The following CMPK2 variants were observed in gnomAD, a reference collection of about 807,000 sequenced individuals.
CMPK2 encodes UMP-CMP kinase 2, mitochondrial.
A neutral mutation model predicts 33.4 loss-of-function variants in CMPK2; 32 were observed. The observed-to-expected ratio is 0.96, with a 90% confidence interval of 0.72 to 1.29. The LOEUF is 1.29. CMPK2 is among the 50% of genes most tolerant of loss of function. The pLI, the probability that CMPK2 is intolerant of heterozygous loss-of-function variation, is 0.00. For synonymous variants in CMPK2, 299 were observed against 275.3 expected, an observed-to-expected ratio of 1.09 and a Z score of -0.85; for missense variants, 672 against 616.0, an observed-to-expected ratio of 1.09 and a Z score of -0.96.
chr2:6,863,091 C>A (rs1662929454), intron 2 of CMPK2, among the ~76,000 whole-genome samples: 1 of 152,176 alleles, frequency 6.6e-6, no homozygotes, highest in Non-Finnish European at 1.5e-5. Context: ...TGCACCTTTG[C>A]CCAGGCTATT....
intron 3 of CMPK2, among the ~76,000 whole-genome samples, chr2:6,841,161 T>C (rs933025499): frequency 2.0e-5 from 3 of 152,126 alleles, no homozygotes; most frequent in African/African-American, 7.2e-5. Flanking sequence ...TGGAGGTATT[T>C]AGGGAGTCCA....
Position 6,861,277 on chromosome 2 carries a change from G to C in CMPK2, c.899C>G (p.Thr300Ser). 6.2e-7 allele frequency: 1 copy of C among 1,613,958 alleles called. No homozygotes were observed. The highest frequency in any genetic ancestry group is 1.1e-5 in the South Asian group (1 of 91,078). Residue 300 changes from threonine (T) to serine (S), a missense_variant, in exon 3 of 5, where the codon ACT (threonine) becomes AGT (serine). Transcript: ENST00000256722. Reference sequence around the variant, plus strand: ...AGAGTAAAAAGCTCTTCTAATGATAGTTGGTTCATCATCAAAGATCTTCCT... The same window carrying C: ...AGAGTAAAAAGCTCTTCTAATGATACTTGGTTCATCATCAAAGATCTTCCT... ...QWRKIFDDEP[T>S]IIRRAFYSLG...
downstream of CMPK2, among the ~76,000 whole-genome samples, chr2:6,846,819 G>A (rs1662373036): frequency 6.6e-6 from 1 of 152,174 alleles, no homozygotes; most frequent in Admixed American, 6.5e-5. Flanking sequence ...AAGTAAAGGT[G>A]AAAGTTAAAG....
chr2:6,855,680 T>C (rs763678941), intron 3 of CMPK2, among the ~76,000 whole-genome samples: 8 of 152,208 alleles, frequency 5.3e-5, no homozygotes, highest in African/African-American at 1.9e-4. Context: ...ATTATTATTG[T>C]TATCCCCATT....
intron 3 of CMPK2, among the ~76,000 whole-genome samples, chr2:6,840,921 A>G (rs1366655416): frequency 6.6e-6 from 1 of 152,120 alleles, no homozygotes; most frequent in Admixed American, 6.5e-5. Flanking sequence ...TTCAACCCCA[A>G]ATTTGAAGGG....
Position 6,853,078 on chromosome 2 carries a change from T to C in CMPK2, c.993-1395A>G, listed in dbSNP as rs547346488. Among the ~76,000 whole-genome samples the C allele has an allele frequency of 5.3e-5, 8 of 152,266 alleles. No individual in the cohort carries two copies. The East Asian group carries it at 7.7e-4, about 15-fold the overall frequency. On this transcript the variant is annotated intron_variant, in intron 3 of 4. Coordinates refer to ENST00000256722, the MANE Select transcript of CMPK2 (RefSeq NM_207315.4). ...ATTTCTCCTGCCCCACCCTCCCAAGTAGCTGGGATTACAGGCATGCACCAC... is the reference window on the plus strand; with the variant it reads ...ATTTCTCCTGCCCCACCCTCCCAAGCAGCTGGGATTACAGGCATGCACCAC...
intron 3 of CMPK2, among the ~76,000 whole-genome samples, chr2:6,841,417 A>G (rs1029938107): frequency 3.3e-5 from 5 of 152,330 alleles, no homozygotes; most frequent in African/African-American, 9.6e-5. Context: ...GGCAGATCTT[A>G]TAAGCATTAA....
At position 6,849,568 on chromosome 2, in the gene CMPK2, G is replaced by C; in HGVS notation, c.*282C>G. 8.5e-7 allele frequency: 1 copy of C among 1,179,436 alleles called. No homozygotes were observed. The highest frequency in any genetic ancestry group is 1.1e-6 in the Non-Finnish European group (1 of 951,668). 73.1% of individuals were successfully genotyped at this position (1,179,436 alleles called of 1,614,324 possible). A position where few individuals can be genotyped will look rare whatever the true frequency, so the allele number is the denominator to read the frequency against. ...ACAGGTCTTCCAGATATTTGGTAGT[G>C]ATTAAGTGAAACATATGTTCCAAGA... On this transcript the variant is annotated 3_prime_UTR_variant, in exon 5 of 5. Transcript: ENST00000256722.
intron 3 of CMPK2, among the ~76,000 whole-genome samples, chr2:6,857,175 T>C (rs1662728722): frequency 6.6e-6 from 1 of 152,136 alleles, no homozygotes; most frequent in South Asian, 2.1e-4. Flanking sequence ...CAGATGGGAG[T>C]AAAATGGAAT....
At chr2:6,857,246 G>A (rs187524896) in intron 3 of CMPK2, among the ~76,000 whole-genome samples, 1 of 151,974 alleles carries the variant, frequency 6.6e-6, no homozygotes, top group Non-Finnish European at 1.5e-5. Flanking sequence ...AGTATGACCT[G>A]CTTGTCATAT....
intron 3 of CMPK2, among the ~76,000 whole-genome samples, chr2:6,857,756 C>A (rs1006965356): frequency 6.6e-6 from 1 of 151,824 alleles, no homozygotes; most frequent in African/African-American, 2.4e-5. Flanking sequence ...CTGCCTCAGC[C>A]TCCCGAGTAG....
At chr2:6,844,347 C>T (rs1032337340), downstream of CMPK2, among the ~76,000 whole-genome samples, 18 of 152,268 alleles carry the variant, frequency 1.2e-4, no homozygotes, top group Non-Finnish European at 2.1e-4. Flanking sequence ...CTTTTGATAT[C>T]GGGGCTGCCT....
chr2:6,865,338 G>A lies in CMPK2; in HGVS notation c.359C>T (p.Pro120Leu), dbSNP rs1663036544. 1.0e-5 allele frequency: 15 copies of A among 1,485,962 alleles called. No individual in the cohort carries two copies. Among genetic ancestry groups the A allele is most frequent in the Non-Finnish European group, 1.3e-5 (15 of 1,125,942 alleles). The allele number at this position is 1,485,962 out of a possible 1,614,324, so 92.0% of individuals were successfully genotyped here. The change falls in exon 1 of 5, where the codon CCG becomes CTG. Residue 120 changes from proline (P) to leucine (L), a missense_variant. Transcript: ENST00000256722. The stretch of plus-strand genomic sequence containing the variant: ...CTGTGCGCCGCCGGCCTGGCCGCCC[G>A]GGCAGTAGCAGAGCAGCCTGAGCAG... ...CQLLRLLCYC[P>L]GGQAGGAQQG...
Position 6,865,296 on chromosome 2 carries a change from C to T in CMPK2, c.401G>A (p.Arg134His). 1 of 1,527,110 alleles carries T rather than the reference C, an allele frequency of 6.5e-7. No homozygotes were observed. Among genetic ancestry groups the T allele is most frequent in the African/African-American group, 1.4e-5 (1 of 70,036 alleles). The allele number at this position is 1,527,110 out of a possible 1,614,324, so 94.6% of individuals were successfully genotyped here. Residue 134 changes from arginine to histidine, a missense_variant, in exon 1 of 5, where the codon CGC becomes CAC. By Grantham distance (29) the Arg-to-His change is conservative. Transcript: ENST00000256722. ...GGTGTCAGGGTCATCCAGGGGGTCG[C>T]GCAGCAGGAAGCCTTGCTGTGCGCC... ...AGGAQQGFLLRDPLDDPDTRQ... is the reference protein window; with the variant it reads ...AGGAQQGFLLHDPLDDPDTRQ...
chr2:6,848,772 A>G lies in CMPK2; in HGVS notation c.*1078T>C, dbSNP rs930153789. On this transcript the variant is annotated 3_prime_UTR_variant, in exon 5 of 5. Transcript: ENST00000256722. ...CTACTCCCTAAAGTCACACAGCTCT[A>G]TAATTTCCCCCTCACTCAGCTACTT... 35 of 985,032 alleles carry G rather than the reference A, an allele frequency of 3.6e-5. 1 individual carries two copies. The highest frequency in any genetic ancestry group is 6.1e-5 in the Admixed American group (1 of 16,264). The allele number at this position is 985,032 out of a possible 1,614,324, so 61.0% of individuals were successfully genotyped here.
rs991124825 is a variant in CMPK2 at position 6,848,675 on chromosome 2, A to C, written c.*1175T>G. The C allele has an allele frequency of 1.0e-6, 1 of 982,320 alleles. No homozygotes were observed. Among genetic ancestry groups the C allele is most frequent in the African/African-American group, 1.7e-5 (1 of 57,156 alleles). 60.9% of individuals were successfully genotyped at this position (982,320 alleles called of 1,614,324 possible). A position where few individuals can be genotyped will look rare whatever the true frequency, so the allele number is the denominator to read the frequency against. On this transcript the variant is annotated 3_prime_UTR_variant, in exon 5 of 5. Coordinates refer to ENST00000256722, the MANE Select transcript of CMPK2 (RefSeq NM_207315.4). ...GTAATGTCTTCTTAAGAAATGGTAG[A>C]TAGGATAAAATAATTTACAGATTTA...
At chr2:6,845,659 G>A (rs115305861), downstream of CMPK2, among the ~76,000 whole-genome samples, 172 of 152,310 alleles carry the variant, frequency 1.1e-3, no homozygotes, top group Non-Finnish European at 1.6e-3. Context: ...TACCCTAAGA[G>A]GCCTAGGAGA....
At position 6,853,513 on chromosome 2, in the gene CMPK2, T is replaced by TA. The variant is rs567554416; in HGVS notation, c.993-1831dup. On this transcript the variant is annotated intron_variant, in intron 3 of 4. Transcript: ENST00000256722. ...GTTGTTACAAATACAGACAAGTGCTTAAAAAAAACTGTATCACACTGTTAC... is the reference window on the plus strand; with the variant it reads ...GTTGTTACAAATACAGACAAGTGCTTAAAAAAAAACTGTATCACACTGTTAC... Among the ~76,000 whole-genome samples, 305 of 151,920 alleles carry TA rather than the reference T, an allele frequency of 2.0e-3. 2 individuals carry two copies. The highest frequency in any genetic ancestry group is 7.1e-3 in the African/African-American group (293 of 41,332).
chr2:6,841,591 T>A (rs1662236221), intron 3 of CMPK2, among the ~76,000 whole-genome samples: 1 of 152,180 alleles, frequency 6.6e-6, no homozygotes, highest in South Asian at 2.1e-4. Flanking sequence ...ATTGTAACCA[T>A]CCTGAGGGCT....
Sources: allele counts gnomAD v4.1 joint callset (sites outside exome capture counted in the v4.1 genomes callset), GRCh38; gene constraint gnomAD v4.1.1; transcripts MANE v1.5; gene names NCBI Gene and HGNC (gene_info 2026-07-23, HGNC 2026-07-21).